The following PI4KA variants were observed in gnomAD, a reference collection of about 807,000 sequenced individuals.
PI4KA encodes PI4-kinase alpha.
Under a neutral mutation model 271.4 loss-of-function variants are expected in PI4KA, and 122 were observed. The observed-to-expected ratio is 0.45, with a 90% CI of 0.39 to 0.52. The LOEUF is 0.52. Among genes scored for constraint, PI4KA ranks in the 20% least tolerant of loss-of-function variants. The pLI, the probability that PI4KA is intolerant of heterozygous loss-of-function variation, is 0.00. For missense variants in PI4KA, 1,969 were observed against 2,769.1 expected, an observed-to-expected ratio of 0.71 and a Z score of 6.48; for synonymous variants, 1,041 against 1,078.8, an observed-to-expected ratio of 0.96 and a Z score of 0.69.
At position 20,820,594 on chromosome 22, in the gene PI4KA, C is replaced by CA. The variant is rs1309760355; in HGVS notation, c.473dup (p.Leu158PhefsTer67). On this transcript the variant is annotated frameshift_variant, in exon 5 of 55. Coordinates refer to ENST00000255882, the MANE Select transcript of PI4KA (RefSeq NM_058004.4). LOFTEE classifies it high-confidence loss of function. ...TCCCCAAGAGGACATGCAAAACCTG[C>CA]AAAAGCACCTCTAAAATCTGTAACA... 6.8e-6 allele frequency: 11 copies of CA among 1,606,800 alleles called. No individual in the cohort carries two copies. The highest frequency in any genetic ancestry group is 9.4e-6 in the Non-Finnish European group (11 of 1,174,790).
chr22:20,807,054 C>A (rs181711718), intron 10 of PI4KA, among the ~76,000 whole-genome samples: 1 of 152,098 alleles, frequency 6.6e-6, no homozygotes, highest in African/African-American at 2.4e-5. Context: ...ATTTTTTAAA[C>A]TATCTAAATG....
chr22:20,770,835 GCATGAGC>G (rs1932841951), intron 19 of PI4KA, among the ~76,000 whole-genome samples: 1 of 152,180 alleles, frequency 6.6e-6, no homozygotes, highest in African/African-American at 2.4e-5. Flanking sequence ...GGGATGATAG[GCATGAGC>G]CACCGTGCCT....
chr22:20,736,915 A>C (rs1168385871), intron 32 of PI4KA: 1 of 153,206 alleles, frequency 6.5e-6, no homozygotes, highest in Non-Finnish European at 1.5e-5. Flanking sequence ...GGGAGGGGCC[A>C]CACTGGCAGC....
At chr22:20,763,250 T>C (rs926239890) in intron 22 of PI4KA, among the ~76,000 whole-genome samples, 2 of 151,850 alleles carry the variant, frequency 1.3e-5, no homozygotes. Flanking sequence ...TAGCTGGGAC[T>C]ACAGGCATGC....
chr22:20,763,503 G>A (rs1041636623), intron 22 of PI4KA, among the ~76,000 whole-genome samples: 10 of 148,350 alleles, frequency 6.7e-5, no homozygotes, highest in Admixed American at 2.0e-4. Flanking sequence ...GCAGTGGCGC[G>A]ATCTCAGCTC....
At chr22:20,838,179 C>T (rs886656602) in intron 2 of PI4KA, among the ~76,000 whole-genome samples, 1 of 151,174 alleles carries the variant, frequency 6.6e-6, no homozygotes, top group African/African-American at 2.4e-5. Context: ...TACATAATCG[C>T]AATTTTGAAA....
intron 21 of PI4KA, 26 bp from the exon 22 acceptor site, chr22:20,764,976 C>T: frequency 6.3e-7 from 1 of 1,593,724 alleles, no homozygotes; most frequent in African/African-American, 1.3e-5. Context: ...CATCCGAGGG[C>T]TCATGGGGCA....
intron 19 of PI4KA, among the ~76,000 whole-genome samples, chr22:20,771,985 A>C: frequency 6.6e-6 from 1 of 152,220 alleles, no homozygotes; most frequent in Non-Finnish European, 1.5e-5. Context: ...CTCCCAGACC[A>C]TTTCTGTGAA....
At chr22:20,850,018 G>A (rs1926762498) in intron 1 of PI4KA, among the ~76,000 whole-genome samples, 1 of 152,132 alleles carries the variant, frequency 6.6e-6, no homozygotes, top group South Asian at 2.1e-4. Flanking sequence ...TTTCTTTTGA[G>A]GGCAATGAAA....
chr22:20,721,087 G>C (rs1197384212), intron 43 of PI4KA, among the ~76,000 whole-genome samples: 2 of 152,196 alleles, frequency 1.3e-5, no homozygotes, highest in East Asian at 1.9e-4. Flanking sequence ...GTGCAGGGTG[G>C]CATCGGACAG....
At position 20,813,510 on chromosome 22, in the gene PI4KA, G is replaced by A. The variant is rs1425498895; in HGVS notation, c.857-4C>T. 1 of 1,613,634 alleles carries A rather than the reference G, an allele frequency of 6.2e-7. No homozygotes were observed. The highest frequency in any genetic ancestry group is 8.5e-7 in the Non-Finnish European group (1 of 1,179,768). Reference sequence around the variant, plus strand: ...GTCCCATCGGGCAAGCAGGAGGCTGGTGGGAGATAAAGCTGGAAACTCAGC... The same window carrying A: ...GTCCCATCGGGCAAGCAGGAGGCTGATGGGAGATAAAGCTGGAAACTCAGC... On this transcript the variant is annotated splice_polypyrimidine_tract_variant and splice_region_variant and intron_variant, in intron 7 of 54. Coordinates refer to ENST00000255882, the MANE Select transcript of PI4KA (RefSeq NM_058004.4).
At chr22:20,778,544 C>CA (rs1203948148) in intron 19 of PI4KA, among the ~76,000 whole-genome samples, 4 of 151,942 alleles carry the variant, frequency 2.6e-5, no homozygotes, top group Admixed American at 6.6e-5. Flanking sequence ...ACAACAACAA[C>CA]AAAAAAACAA....
chr22:20,775,969 T>C (rs1933238798), intron 19 of PI4KA, among the ~76,000 whole-genome samples: 1 of 152,196 alleles, frequency 6.6e-6, no homozygotes, highest in Non-Finnish European at 1.5e-5. Context: ...GAAGCTAAGT[T>C]ACTCAAAGTG....
chr22:20,811,317 T>C (rs1019641940), intron 8 of PI4KA, among the ~76,000 whole-genome samples: 3 of 152,208 alleles, frequency 2.0e-5, no homozygotes, highest in African/African-American at 7.2e-5. Context: ...GTTTCCAGGA[T>C]GTGCAGACCT....
At chr22:20,772,396 C>T (rs1356001693) in intron 19 of PI4KA, among the ~76,000 whole-genome samples, 1 of 152,192 alleles carries the variant, frequency 6.6e-6, no homozygotes, top group African/African-American at 2.4e-5. Context: ...GGGAGGTGGG[C>T]CCACGAGGAG....
At position 20,834,576 on chromosome 22, in the gene PI4KA, G is replaced by A; in HGVS notation, c.353C>T (p.Ala118Val). Residue 118 changes from alanine to valine, a missense_variant, in exon 3 of 55, where the codon GCT becomes GTT. Physicochemically the swap from Ala to Val is moderately conservative, Grantham distance 64 (BLOSUM62 0). Transcript: ENST00000255882. The part of the protein sequence containing the change: ...PKVYWVEEST[A>V]RKGRGALPVA... Reference sequence around the variant, plus strand: ...TATACAATTACCTCTGCCTTTCCGAGCTGTGCTTTCTTCTACCCAATACAC... The same window carrying A: ...TATACAATTACCTCTGCCTTTCCGAACTGTGCTTTCTTCTACCCAATACAC... 6.3e-7 allele frequency: 1 copy of A among 1,599,554 alleles called. No homozygotes were observed. The highest frequency in any genetic ancestry group is 8.6e-7 in the Non-Finnish European group (1 of 1,166,756).
intron 45 of PI4KA, among the ~76,000 whole-genome samples, chr22:20,716,186 G>A: frequency 6.6e-6 from 1 of 152,164 alleles, no homozygotes; most frequent in East Asian, 1.9e-4. Context: ...GAGTAGCTGG[G>A]ACTACAGGCG....
intron 1 of PI4KA, among the ~76,000 whole-genome samples, chr22:20,846,704 G>A (rs1056300172): frequency 2.6e-5 from 4 of 151,674 alleles, no homozygotes; most frequent in Admixed American, 6.6e-5. Flanking sequence ...TTAGCCAGGC[G>A]TGGGGGCAAG....
intron 7 of PI4KA, among the ~76,000 whole-genome samples, chr22:20,816,322 TCTCA>T (rs1244291142): frequency 6.6e-6 from 1 of 152,090 alleles, no homozygotes; most frequent in East Asian, 1.9e-4. Context: ...TTTTTAAGGG[TCTCA>T]CTATGTTGCC....
Sources: allele counts gnomAD v4.1 joint callset (sites outside exome capture counted in the v4.1 genomes callset), GRCh38; gene constraint gnomAD v4.1.1; transcripts MANE v1.5; gene names NCBI Gene and HGNC (gene_info 2026-07-23, HGNC 2026-07-21).